ARMH4: variants seen among roughly 807,000 people sequenced by gnomAD.
The protein encoded by ARMH4 is armadillo-like helical domain-containing protein 4.
A neutral mutation model predicts 61.9 loss-of-function variants in ARMH4; 49 were observed. The observed-to-expected ratio is 0.79, with a 90% CI of 0.63 to 1.00. The LOEUF is 1.00. Among genes scored for constraint, ARMH4 ranks in the 50% least tolerant of loss-of-function variants. The pLI, the probability that ARMH4 is intolerant of heterozygous loss-of-function variation, is 0.00. For synonymous variants in ARMH4, 368 were observed against 341.5 expected (o/e 1.08, Z -0.85); for missense variants, 934 against 930.0 (o/e 1.00, Z -0.06).
Position 58,043,095 on chromosome 14 carries a change from C to T in ARMH4, c.2090-30945G>A, listed in dbSNP as rs1487714281. Among the ~76,000 whole-genome samples the T allele has an allele frequency of 3.2e-4, 48 of 152,298 alleles. No individual in the cohort carries two copies. In the East Asian group the frequency reaches 8.9e-3, roughly 28 times the overall value. On this transcript the variant is annotated intron_variant, in intron 5 of 7. Transcript: ENST00000267485. ...TAGAAAAAGAGGGAATCCTCCCTAA[C>T]TCATTTTATGAGGCCAGCATCATAC...
chr14:58,110,990 A>G (rs565958430), intron 4 of ARMH4, among the ~76,000 whole-genome samples: 131 of 151,950 alleles, frequency 8.6e-4, no homozygotes, highest in African/African-American at 3.0e-3. Flanking sequence ...CTGACCTCAG[A>G]TGATCCACCT....
rs764474782 is a variant in ARMH4 at position 58,131,550 on chromosome 14, G to A, written c.1793C>T (p.Thr598Ile). 2 of 1,614,076 alleles carry A rather than the reference G, an allele frequency of 1.2e-6. No homozygotes were observed. Among genetic ancestry groups the A allele is most frequent in the African/African-American group, 1.3e-5 (1 of 74,936 alleles). ...TTGGTCCAGGCCATATGAGGCAGCT[G>A]TATTAACACGAGTAATAGATGGAAC... ...TVVPSITRVN[T>I]AASYGLDQLE... is the part of the protein sequence containing the mutation. Residue 598 changes from threonine (T) to isoleucine (I), a missense_variant, in exon 4 of 8, where the codon ACA (threonine) becomes ATA (isoleucine). Transcript: ENST00000267485.
At chr14:58,106,707 A>ACGG (rs1393898473) in intron 4 of ARMH4, among the ~76,000 whole-genome samples, 1 of 152,098 alleles carries the variant, frequency 6.6e-6, no homozygotes, top group Non-Finnish European at 1.5e-5. Flanking sequence ...AGAGACTCAA[A>ACGG]CGGCTTTTCA....
At chr14:58,066,349 T>C (rs1213752693) in intron 5 of ARMH4, among the ~76,000 whole-genome samples, 1 of 152,188 alleles carries the variant, frequency 6.6e-6, no homozygotes, top group Non-Finnish European at 1.5e-5. Context: ...AAACAGGGAA[T>C]CCAGAATAGG....
At chr14:58,011,420 A>T (rs1396248514) in intron 6 of ARMH4, among the ~76,000 whole-genome samples, 1 of 152,144 alleles carries the variant, frequency 6.6e-6, no homozygotes, top group Non-Finnish European at 1.5e-5. Flanking sequence ...CACTGAAAAG[A>T]TTTCCATTTA....
chr14:58,060,919 T>C lies in ARMH4; in HGVS notation c.2089+35805A>G, dbSNP rs78569190. Among the ~76,000 whole-genome samples, 37 of 152,244 alleles carry C rather than the reference T, an allele frequency of 2.4e-4. 1 individual carries two copies. The East Asian group carries it at 7.0e-3, about 29-fold the overall frequency. On this transcript the variant is annotated intron_variant, in intron 5 of 7. Transcript: ENST00000267485. ...CACAACAATAATGCTTTATTCTCCT[T>C]ATCTCTCACCCCTCCAGGTCCTCTC... is the stretch of plus-strand genomic sequence containing the variant.
chr14:58,070,238 C>T (rs552460105), intron 5 of ARMH4, among the ~76,000 whole-genome samples: 1 of 152,104 alleles, frequency 6.6e-6, no homozygotes, highest in Non-Finnish European at 1.5e-5. Flanking sequence ...AGCTCCAGAT[C>T]GCATGCAGGT....
chr14:58,029,899 T>C (rs778841186), intron 5 of ARMH4, among the ~76,000 whole-genome samples: 1 of 152,138 alleles, frequency 6.6e-6, no homozygotes, highest in East Asian at 1.9e-4. Context: ...CAAATACGTG[T>C]ACACGAATGT....
At chr14:58,092,280 A>G (rs1885594815) in intron 5 of ARMH4, among the ~76,000 whole-genome samples, 1 of 152,230 alleles carries the variant, frequency 6.6e-6, no homozygotes, top group South Asian at 2.1e-4. Context: ...GTGTTATCAT[A>G]TTAAATAGGA....
intron 5 of ARMH4, among the ~76,000 whole-genome samples, chr14:58,085,923 C>T (rs1190504433): frequency 1.3e-5 from 2 of 152,152 alleles, no homozygotes; most frequent in South Asian, 2.1e-4. Context: ...TAAAATGCTA[C>T]ATCGTAATAA....
At chr14:58,071,627 G>C (rs1455734605) in intron 5 of ARMH4, among the ~76,000 whole-genome samples, 1 of 152,014 alleles carries the variant, frequency 6.6e-6, no homozygotes, top group Non-Finnish European at 1.5e-5. Context: ...AGAAATAAGG[G>C]AAAGACAGAC....
intron 2 of ARMH4, 63 bp downstream of exon 2, chr14:58,137,927 T>TAA: frequency 1.9e-5 from 24 of 1,265,240 alleles, no homozygotes; most frequent in South Asian, 4.8e-5. Flanking sequence ...AAATTGCCAT[T>TAA]AAAAAAAAAA....
chr14:58,110,953 CA>C (rs1165594875), intron 4 of ARMH4, among the ~76,000 whole-genome samples: 3 of 151,814 alleles, frequency 2.0e-5, no homozygotes, highest in African/African-American at 4.8e-5. Flanking sequence ...GGGGTTTTAC[CA>C]TATTGGCCAG....
rs545232857 is a variant in ARMH4 at position 58,006,707 on chromosome 14, C to A, written c.2122-1525G>T. On this transcript the variant is annotated intron_variant, in intron 6 of 7. Coordinates refer to ENST00000267485, the MANE Select transcript of ARMH4 (RefSeq NM_001001872.4). ...TTCTCACTCATAGGTGGGAACTGAA[C>A]AATGAGAACACTTGGACACAGGAAG... Among the ~76,000 whole-genome samples the A allele has an allele frequency of 4.0e-5, 6 of 148,834 alleles. No individual in the cohort carries two copies. In the East Asian group the frequency reaches 1.2e-3, roughly 30 times the overall value.
At chr14:58,120,170 G>C (rs1886675918) in intron 4 of ARMH4, among the ~76,000 whole-genome samples, 1 of 152,076 alleles carries the variant, frequency 6.6e-6, no homozygotes, top group Non-Finnish European at 1.5e-5. Flanking sequence ...GAATACTGTA[G>C]GCAACTGTAA....
intron 1 of ARMH4, among the ~76,000 whole-genome samples, chr14:58,140,837 A>T (rs1014011710): frequency 6.6e-5 from 10 of 152,104 alleles, no homozygotes; most frequent in Non-Finnish European, 1.3e-4. Flanking sequence ...CGGGAGGCGG[A>T]GGTTGCAATG....
At chr14:58,031,818 C>A (rs887810409) in intron 5 of ARMH4, among the ~76,000 whole-genome samples, 8 of 152,220 alleles carry the variant, frequency 5.3e-5, no homozygotes, top group Non-Finnish European at 1.0e-4. Context: ...CTATCATATA[C>A]TTCCAAGCCA....
At chr14:58,034,477 A>T (rs1249316705) in intron 5 of ARMH4, among the ~76,000 whole-genome samples, 1 of 128,208 alleles carries the variant, frequency 7.8e-6, no homozygotes, top group African/African-American at 2.9e-5. Context: ...CATCGAGACT[A>T]GGAAGAAACT....
intron 5 of ARMH4, among the ~76,000 whole-genome samples, chr14:58,019,214 T>C (rs530975088): frequency 1.3e-5 from 2 of 152,320 alleles, no homozygotes; most frequent in South Asian, 4.1e-4. Context: ...CGCAATGTAT[T>C]GTATTCTTGA....
Sources: allele counts gnomAD v4.1 joint callset (sites outside exome capture counted in the v4.1 genomes callset), GRCh38; gene constraint gnomAD v4.1.1; transcripts MANE v1.5; gene names NCBI Gene and HGNC (gene_info 2026-07-23, HGNC 2026-07-21).